CADM2: variants seen among roughly 807,000 people sequenced by gnomAD.
CADM2 encodes cell adhesion molecule 2.
A neutral mutation model predicts 49.8 loss-of-function variants in CADM2; 12 were observed. The observed-to-expected ratio is 0.24, with a 90% CI of 0.15 to 0.39. The LOEUF is 0.39. Ranked by LOEUF, CADM2 falls within the 10% of genes least tolerant of loss-of-function variation. The pLI is 1.00. For synonymous variants in CADM2, 214 were observed against 175.4 expected (o/e 1.22, Z -1.74); for missense variants, 378 against 492.3 (o/e 0.77, Z 2.20).
chr3:85,157,963 G>T (rs2040192377), intron 1 of CADM2, among the ~76,000 whole-genome samples: 2 of 151,932 alleles, frequency 1.3e-5, no homozygotes, highest in South Asian at 4.2e-4. Context: ...CTAATATCCA[G>T]AATCTACAAT....
At chr3:85,681,957 G>A (rs970824145) in intron 1 of CADM2, among the ~76,000 whole-genome samples, 2 of 152,070 alleles carry the variant, frequency 1.3e-5, no homozygotes, top group African/African-American at 2.4e-5. Flanking sequence ...CATGCATTTT[G>A]CAATGTGTAA....
intron 1 of CADM2, among the ~76,000 whole-genome samples, chr3:85,131,514 T>A (rs954588988): frequency 1.3e-5 from 2 of 152,198 alleles, no homozygotes; most frequent in Non-Finnish European, 2.9e-5. Flanking sequence ...AAAGGATCAT[T>A]GTAATACCCC....
chr3:85,112,935 T>C (rs998627412), intron 1 of CADM2, among the ~76,000 whole-genome samples: 1 of 151,830 alleles, frequency 6.6e-6, no homozygotes, highest in Non-Finnish European at 1.5e-5. Context: ...ATATTTTATA[T>C]GTATTTATAT....
At chr3:85,221,870 A>G (rs111504040) in intron 1 of CADM2, among the ~76,000 whole-genome samples, 1 of 152,240 alleles carries the variant, frequency 6.6e-6, no homozygotes, top group African/African-American at 2.4e-5. Flanking sequence ...TGAGCTCTAG[A>G]TACCGTTTGA....
At chr3:85,227,090 T>C (rs913881777) in intron 1 of CADM2, among the ~76,000 whole-genome samples, 3 of 152,206 alleles carry the variant, frequency 2.0e-5, no homozygotes, top group Non-Finnish European at 4.4e-5. Flanking sequence ...CTAAGAAGAA[T>C]GTATATTCTG....
At chr3:85,552,929 G>A (rs150859186) in intron 1 of CADM2, among the ~76,000 whole-genome samples, 4,981 of 151,368 alleles carry the variant, frequency 0.033, 286 homozygotes, top group African/African-American at 0.11. Context: ...CACCTGCCTC[G>A]GCCTCCCAAA....
intron 8 of CADM2, among the ~76,000 whole-genome samples, chr3:85,965,917 A>T (rs75624479): frequency 0.041 from 6,192 of 151,770 alleles, 419 homozygotes; most frequent in African/African-American, 0.14. Context: ...CATAAAAGTG[A>T]CAGAAATGTA....
At chr3:85,443,769 T>G (rs1282978845) in intron 1 of CADM2, among the ~76,000 whole-genome samples, 1 of 152,106 alleles carries the variant, frequency 6.6e-6, no homozygotes, top group Non-Finnish European at 1.5e-5. Flanking sequence ...TGTCTGTCCC[T>G]GGATCTCTTT....
chr3:85,876,319 A>G (rs1266877040), intron 3 of CADM2, among the ~76,000 whole-genome samples: 1 of 152,170 alleles, frequency 6.6e-6, no homozygotes, highest in Non-Finnish European at 1.5e-5. Flanking sequence ...TATTCACTTA[A>G]TATGTGGAAT....
chr3:85,450,859 T>C (rs988798725), intron 1 of CADM2, among the ~76,000 whole-genome samples: 1 of 152,072 alleles, frequency 6.6e-6, no homozygotes, highest in Non-Finnish European at 1.5e-5. Context: ...ACTTCAAATT[T>C]AAACAGATCT....
intron 1 of CADM2, among the ~76,000 whole-genome samples, chr3:85,529,691 C>A (rs12633657): frequency 0.59 from 90,165 of 151,594 alleles, 28,298 homozygotes; most frequent in East Asian, 0.93. Context: ...CCATCCTCTC[C>A]GTCACTGCTT....
rs2067865894 is a variant in CADM2 at position 85,730,116 on chromosome 3, A to G, written c.88+3568A>G. Among the ~76,000 whole-genome samples the G allele has an allele frequency of 1.3e-5, 2 of 152,050 alleles. 1 individual carries two copies. Among genetic ancestry groups the G allele is most frequent in the South Asian group, 4.1e-4 (2 of 4,832 alleles). On this transcript the variant is annotated intron_variant, in intron 2 of 9. Transcript: ENST00000383699. ...CAAATTGTCCTAATTTTATCCCTAT[A>G]GTGTCTTTTGCATGAATCCTTATTC... is the stretch of plus-strand genomic sequence containing the variant.
intron 5 of CADM2, among the ~76,000 whole-genome samples, chr3:85,909,057 C>G (rs1307485608): frequency 6.6e-6 from 1 of 152,108 alleles, no homozygotes; most frequent in African/African-American, 2.4e-5. Flanking sequence ...AATTTACATA[C>G]ATTGAAATAA....
intron 8 of CADM2, among the ~76,000 whole-genome samples, chr3:85,989,215 G>A (rs1469707399): frequency 6.6e-6 from 1 of 152,140 alleles, no homozygotes; most frequent in Non-Finnish European, 1.5e-5. Flanking sequence ...AGGACAGGCA[G>A]TTTTTGGAAA....
At chr3:85,031,807 A>C (rs2107327282) in intron 1 of CADM2, among the ~76,000 whole-genome samples, 1 of 152,292 alleles carries the variant, frequency 6.6e-6, no homozygotes, top group Admixed American at 6.5e-5. Flanking sequence ...GACGTGAGCC[A>C]CCACGCCCGG....
At chr3:86,012,786 C>T (rs142590374) in intron 8 of CADM2, 9 of 598,212 alleles carry the variant, frequency 1.5e-5, no homozygotes, top group East Asian at 3.2e-5. Context: ...ACCATCCTGG[C>T]TAACACGGTG....
chr3:85,589,548 AGGCCTTATACTT>A (rs2063046488), intron 1 of CADM2, among the ~76,000 whole-genome samples: 1 of 151,996 alleles, frequency 6.6e-6, no homozygotes, highest in Admixed American at 6.6e-5. Flanking sequence ...GGTCTAACGC[AGGCCTTATACTT>A]GGCTGAATGC....
intron 1 of CADM2, among the ~76,000 whole-genome samples, chr3:85,611,007 G>T (rs150221732): frequency 6.6e-6 from 1 of 151,878 alleles, no homozygotes; most frequent in East Asian, 1.9e-4. Context: ...ACTTGCTTTG[G>T]AATTGTCAGA....
intron 8 of CADM2, among the ~76,000 whole-genome samples, chr3:85,996,806 T>G (rs1729486756): frequency 6.6e-6 from 1 of 152,188 alleles, no homozygotes; most frequent in Non-Finnish European, 1.5e-5. Flanking sequence ...TTATTGAGAT[T>G]AGTTATTTTA....
Sources: allele counts gnomAD v4.1 joint callset (sites outside exome capture counted in the v4.1 genomes callset), GRCh38; gene constraint gnomAD v4.1.1; transcripts MANE v1.5; gene names NCBI Gene and HGNC (gene_info 2026-07-23, HGNC 2026-07-21).